ZCWPW2: variants seen among roughly 807,000 people sequenced by gnomAD.
The protein encoded by ZCWPW2 is zinc finger CW-type and PWWP domain containing 2, also known as zinc finger CW-type PWWP domain protein 2.
A neutral mutation model predicts 46.6 loss-of-function variants in ZCWPW2; 45 were observed. That is an observed-to-expected ratio of 0.96 (90% confidence interval 0.76 to 1.24). The LOEUF (loss-of-function observed/expected upper bound fraction) is 1.24, where lower values mean the gene tolerates loss of function less well. ZCWPW2 is among the 50% of genes most tolerant of loss of function. The probability of loss-of-function intolerance (pLI) is 0.00; values close to 1 mark genes in which losing one functional copy is unlikely to be tolerated. For missense variants in ZCWPW2, 429 were observed against 403.9 expected, an observed-to-expected ratio of 1.06 and a Z score of -0.53; for synonymous variants, 152 against 137.1, an observed-to-expected ratio of 1.11 and a Z score of -0.76.
At chr3:28,509,817 TA>T (rs1333225256) in intron 6 of ZCWPW2, among the ~76,000 whole-genome samples, 1 of 152,212 alleles carries the variant, frequency 6.6e-6, no homozygotes, top group Non-Finnish European at 1.5e-5. Context: ...ACAGAAGTTT[TA>T]AAATGTTGAT....
chr3:28,407,155 AT>A, intron 2 of ZCWPW2, among the ~76,000 whole-genome samples: 1 of 152,254 alleles, frequency 6.6e-6, no homozygotes, highest in East Asian at 1.9e-4. Flanking sequence ...CCTTTGCTCC[AT>A]CACCTTGGTA....
At chr3:28,420,846 C>G (rs945641420) in intron 3 of ZCWPW2, among the ~76,000 whole-genome samples, 11 of 151,920 alleles carry the variant, frequency 7.2e-5, no homozygotes, top group Non-Finnish European at 1.5e-5. Context: ...CATTTTCTCT[C>G]TGTTGTTCAG....
At chr3:28,480,135 C>T (rs111685404) in intron 5 of ZCWPW2, among the ~76,000 whole-genome samples, 4 of 152,024 alleles carry the variant, frequency 2.6e-5, no homozygotes, top group Admixed American at 1.3e-4. Flanking sequence ...GGTCTTTGAG[C>T]GATCACCACA....
At chr3:28,441,392 C>T (rs1697750916) in intron 4 of ZCWPW2, among the ~76,000 whole-genome samples, 1 of 152,218 alleles carries the variant, frequency 6.6e-6, no homozygotes, top group African/African-American at 2.4e-5. Flanking sequence ...CTGGCGATTT[C>T]TCCTTCCATG....
chr3:28,381,495 G>A (rs1695103634), intron 1 of ZCWPW2, among the ~76,000 whole-genome samples: 1 of 152,146 alleles, frequency 6.6e-6, no homozygotes, highest in South Asian at 2.1e-4. Context: ...CAGGGATGAT[G>A]AAGGTGGAAG....
chr3:28,362,874 T>C (rs948477296), intron 1 of ZCWPW2, among the ~76,000 whole-genome samples: 1 of 152,128 alleles, frequency 6.6e-6, no homozygotes, highest in Non-Finnish European at 1.5e-5. Context: ...TGGAATACTT[T>C]GCAGTCATAA....
chr3:28,472,071 TGGA>T lies in ZCWPW2; in HGVS notation c.493-6739_493-6737del, dbSNP rs530843490. Among the ~76,000 whole-genome samples, 211 of 152,222 alleles carry T rather than the reference TGGA, an allele frequency of 1.4e-3. 1 individual carries two copies. Among genetic ancestry groups the T allele is most frequent in the Non-Finnish European group, 2.6e-3 (177 of 67,976 alleles). ...ACTGTAAAACATTGATGCAAGAAATTGGAGGACAGAAAAAAATGGAGACATATT... is the reference window on the plus strand; with the variant it reads ...ACTGTAAAACATTGATGCAAGAAATTGGACAGAAAAAAATGGAGACATATT... On this transcript the variant is annotated intron_variant, in intron 4 of 9. Coordinates refer to ENST00000383768, the MANE Select transcript of ZCWPW2 (RefSeq NM_001040432.4).
chr3:28,364,464 T>G (rs1705051822), intron 1 of ZCWPW2, among the ~76,000 whole-genome samples: 2 of 152,126 alleles, frequency 1.3e-5, no homozygotes, highest in African/African-American at 4.8e-5. Context: ...TTTTTTCCTC[T>G]GGGTAGATAC....
chr3:28,361,068 TTA>T (rs1704923409), intron 1 of ZCWPW2, among the ~76,000 whole-genome samples: 1 of 152,110 alleles, frequency 6.6e-6, no homozygotes, highest in African/African-American at 2.4e-5. Flanking sequence ...AGATGTATCT[TTA>T]TGTATATACA....
chr3:28,518,272 A>G (rs1420403773), intron 8 of ZCWPW2, among the ~76,000 whole-genome samples: 1 of 151,532 alleles, frequency 6.6e-6, no homozygotes, highest in African/African-American at 2.4e-5. Flanking sequence ...CACTCTCAAC[A>G]ATAAATTGAA....
chr3:28,362,689 G>T (rs1559473571), intron 1 of ZCWPW2, among the ~76,000 whole-genome samples: 2 of 152,112 alleles, frequency 1.3e-5, no homozygotes, highest in Non-Finnish European at 2.9e-5. Context: ...ACTGAAAATA[G>T]AACTACTGTT....
chr3:28,468,281 G>GA lies in ZCWPW2; in HGVS notation c.493-10524dup, dbSNP rs971338629. On this transcript the variant is annotated intron_variant, in intron 4 of 9. Coordinates refer to ENST00000383768, the MANE Select transcript of ZCWPW2 (RefSeq NM_001040432.4). ...GAAAATACAAAGAAGAGACAAAAGA[G>GA]AAAAAAAAAGAACGAAGCACACCTA... is the stretch of plus-strand genomic sequence containing the variant. Among the ~76,000 whole-genome samples, 10 of 148,848 alleles carry GA rather than the reference G, an allele frequency of 6.7e-5. No individual in the cohort carries two copies. In the East Asian group the frequency reaches 7.9e-4, roughly 12 times the overall value.
In ZCWPW2 at chr3:28,491,346, T is replaced by C. The variant is rs1402846498; in HGVS notation, c.611-781T>C. Among the ~76,000 whole-genome samples, 3 of 152,152 alleles carry C rather than the reference T, an allele frequency of 2.0e-5. No individual in the cohort carries two copies. The South Asian group carries it at 6.2e-4, about 31-fold the overall frequency. On this transcript the variant is annotated intron_variant, in intron 5 of 9. Transcript: ENST00000383768. ...ATTTTATGACAACAGTTGTAACCAA[T>C]AGATACATATACACACATACATACT...
chr3:28,451,999 G>A (rs1489810447), intron 4 of ZCWPW2, among the ~76,000 whole-genome samples: 1 of 152,108 alleles, frequency 6.6e-6, no homozygotes, highest in Non-Finnish European at 1.5e-5. Flanking sequence ...ACCTTTGTTT[G>A]TTTTCTAAAC....
intron 6 of ZCWPW2, chr3:28,511,000 T>C (rs752467512): frequency 2.9e-5 from 13 of 453,550 alleles, no homozygotes; most frequent in Middle Eastern, 6.6e-4. Context: ...ATTCTGGAAC[T>C]TGTAGCCTTT....
intron 8 of ZCWPW2, among the ~76,000 whole-genome samples, chr3:28,515,895 C>A (rs1431304071): frequency 2.0e-5 from 3 of 151,932 alleles, no homozygotes. Flanking sequence ...CTTTAGGTTT[C>A]TATTTCCTTG....
At chr3:28,440,840 G>A (rs575194664) in intron 4 of ZCWPW2, among the ~76,000 whole-genome samples, 1 of 152,302 alleles carries the variant, frequency 6.6e-6, no homozygotes, top group South Asian at 2.1e-4. Flanking sequence ...CAGAGTAAGT[G>A]TCTAGTCCAG....
At chr3:28,456,907 A>T (rs1234385374) in intron 4 of ZCWPW2, among the ~76,000 whole-genome samples, 1 of 152,178 alleles carries the variant, frequency 6.6e-6, no homozygotes, top group African/African-American at 2.4e-5. Context: ...ACTGATGTTC[A>T]TCAAGGATAT....
At chr3:28,379,543 C>G (rs1705605317) in intron 1 of ZCWPW2, among the ~76,000 whole-genome samples, 1 of 152,058 alleles carries the variant, frequency 6.6e-6, no homozygotes, top group South Asian at 2.1e-4. Context: ...AAATAAATAT[C>G]TTCTGCATTA....
Sources: allele counts gnomAD v4.1 joint callset (sites outside exome capture counted in the v4.1 genomes callset), GRCh38; gene constraint gnomAD v4.1.1; transcripts MANE v1.5; gene names NCBI Gene and HGNC (gene_info 2026-07-23, HGNC 2026-07-21).